SPNS3: variants seen among roughly 807,000 people sequenced by gnomAD.
SPNS3 encodes the protein SPNS lysolipid transporter 3, sphingosine-1-phosphate (putative).
A neutral mutation model predicts 54.4 loss-of-function variants in SPNS3; 51 were observed. The ratio of observed to expected loss-of-function variants is 0.94; its 90% CI spans 0.75 to 1.18. The LOEUF is 1.18. Ranked by LOEUF, SPNS3 falls within the 50% of genes most tolerant of loss-of-function variation. The pLI is 0.00. For synonymous variants in SPNS3, 309 were observed against 294.7 expected, an observed-to-expected ratio of 1.05 and a Z score of -0.50; for missense variants, 669 against 677.4, an observed-to-expected ratio of 0.99 and a Z score of 0.14.
At position 4,455,071 on chromosome 17, in the gene SPNS3, G is replaced by A. The variant is rs192775469; in HGVS notation, c.1113+1866G>A. On this transcript the variant is annotated intron_variant, in intron 8 of 11. Transcript: ENST00000355530. ...TGGGATTACATGTGTGAGCCACCAC[G>A]CCCAGCTAATTTTTGTATTTTTAAT... Among the ~76,000 whole-genome samples, 4 of 152,016 alleles carry A rather than the reference G, an allele frequency of 2.6e-5. No individual in the cohort carries two copies. In the East Asian group the frequency reaches 5.8e-4, roughly 22 times the overall value.
At chr17:4,435,246 A>G (rs1167355116) in intron 1 of SPNS3, among the ~76,000 whole-genome samples, 2 of 151,340 alleles carry the variant, frequency 1.3e-5, no homozygotes, top group Non-Finnish European at 2.9e-5. Context: ...AACATGGTGA[A>G]ACCCCGTCTC....
At chr17:4,456,737 C>T (rs1442847368) in intron 8 of SPNS3, among the ~76,000 whole-genome samples, 1 of 151,186 alleles carries the variant, frequency 6.6e-6, no homozygotes, top group Non-Finnish European at 1.5e-5. Flanking sequence ...TTTTTTGAGA[C>T]AGGGTCTCAC....
Position 4,454,989 on chromosome 17 carries a change from C to T in SPNS3, c.1113+1784C>T, listed in dbSNP as rs1293403447. Among the ~76,000 whole-genome samples, 6 of 150,804 alleles carry T rather than the reference C, an allele frequency of 4.0e-5. No homozygotes were observed. In the South Asian group the frequency reaches 6.3e-4, roughly 16 times the overall value. On this transcript the variant is annotated intron_variant, in intron 8 of 11. Coordinates refer to ENST00000355530, the MANE Select transcript of SPNS3 (RefSeq NM_182538.5). ...AGTGCGGTGGCGCGATCTCAGCTCA[C>T]GGTAACCTCCGCCTCCTGGGTTCAA...
chr17:4,439,121 T>A (rs1021043365), intron 1 of SPNS3, among the ~76,000 whole-genome samples: 1 of 151,116 alleles, frequency 6.6e-6, no homozygotes, highest in Admixed American at 6.6e-5. Context: ...TCTTTCTTTC[T>A]TTTTCTTTCT....
In SPNS3 at chr17:4,447,008, G is replaced by A. The variant is rs762395854; in HGVS notation, c.621+46G>A. 5 of 1,605,596 alleles carry A rather than the reference G, an allele frequency of 3.1e-6. No individual in the cohort carries two copies. The South Asian group carries it at 3.3e-5, about 11-fold the overall frequency. ...TTCCCTCTGCTTTCCCTCTGGACCGGCAGGGACTTTCCAGCCTTGGGTGAC... is the reference window on the plus strand; with the variant it reads ...TTCCCTCTGCTTTCCCTCTGGACCGACAGGGACTTTCCAGCCTTGGGTGAC... On this transcript the variant is annotated intron_variant, in intron 5 of 11. Transcript: ENST00000355530.
intron 8 of SPNS3, among the ~76,000 whole-genome samples, chr17:4,468,504 G>A (rs1971745615): frequency 6.6e-6 from 1 of 152,036 alleles, no homozygotes; most frequent in Non-Finnish European, 1.5e-5. Flanking sequence ...AAGGAGTCCA[G>A]GGCGGCTCCA....
intron 7 of SPNS3, 139 bp downstream of exon 7, chr17:4,449,526 C>T (rs923574659): frequency 2.8e-6 from 3 of 1,084,884 alleles, no homozygotes; most frequent in Non-Finnish European, 3.8e-6. Flanking sequence ...AGCTCAGGAC[C>T]CAGATGGCAG....
At chr17:4,452,907 C>T in intron 7 of SPNS3, 109 bp from the exon 8 acceptor site, 1 of 1,054,298 alleles carries the variant, frequency 9.5e-7, no homozygotes, top group African/African-American at 1.6e-5. Context: ...CTGTAGACAC[C>T]AGATCATGCA....
chr17:4,438,084 T>G (rs1970759578), intron 1 of SPNS3, among the ~76,000 whole-genome samples: 2 of 152,194 alleles, frequency 1.3e-5, no homozygotes, highest in Non-Finnish European at 2.9e-5. Flanking sequence ...ACCACGTCCC[T>G]CCCTGAGCAA....
At chr17:4,475,177 C>G (rs1971956635) in intron 8 of SPNS3, among the ~76,000 whole-genome samples, 1 of 152,136 alleles carries the variant, frequency 6.6e-6, no homozygotes, top group Non-Finnish European at 1.5e-5. Flanking sequence ...ATGGCAGAGG[C>G]CAGGGGCTGA....
At chr17:4,479,760 C>T (rs1972106691) in intron 9 of SPNS3, among the ~76,000 whole-genome samples, 1 of 152,236 alleles carries the variant, frequency 6.6e-6, no homozygotes, top group South Asian at 2.1e-4. Flanking sequence ...CAGCCCTGGT[C>T]CTGCCACTTA....
At chr17:4,459,441 G>T (rs1597323150) in intron 8 of SPNS3, among the ~76,000 whole-genome samples, 1 of 152,126 alleles carries the variant, frequency 6.6e-6, no homozygotes, top group African/African-American at 2.4e-5. Context: ...GCTGGGTGCG[G>T]TGCTTCATAC....
Position 4,434,181 on chromosome 17 carries a change from G to A in SPNS3, c.199+15G>A. ...CATCATTGCAGGTGAGGAGGGGATG[G>A]CTACCCTGGGCAGTACCTGCTGCTG... On this transcript the variant is annotated intron_variant, in intron 1 of 11. Coordinates refer to ENST00000355530, the MANE Select transcript of SPNS3 (RefSeq NM_182538.5). 1.3e-6 allele frequency: 2 copies of A among 1,598,272 alleles called. No individual in the cohort carries two copies. Among genetic ancestry groups the A allele is most frequent in the Non-Finnish European group, 1.7e-6 (2 of 1,171,138 alleles).
At chr17:4,477,219 A>C (rs1292261261) in intron 8 of SPNS3, among the ~76,000 whole-genome samples, 1 of 151,940 alleles carries the variant, frequency 6.6e-6, no homozygotes, top group African/African-American at 2.4e-5. Flanking sequence ...CTCTGGCCTG[A>C]GTTTGTCTGT....
chr17:4,453,298 A>G (rs532767649), intron 8 of SPNS3, 93 bp downstream of exon 8: 1 of 1,200,410 alleles, frequency 8.3e-7, no homozygotes, highest in African/African-American at 1.5e-5. Flanking sequence ...CTTTATGTAC[A>G]ATTATGTTGA....
intron 8 of SPNS3, among the ~76,000 whole-genome samples, chr17:4,473,093 G>A (rs181380820): frequency 1.5e-4 from 22 of 151,572 alleles, no homozygotes; most frequent in Non-Finnish European, 1.8e-4. Context: ...CTGGCTGCCA[G>A]TATTGAATGT....
chr17:4,480,663 G>A (rs1405000146), intron 9 of SPNS3, among the ~76,000 whole-genome samples: 1 of 152,018 alleles, frequency 6.6e-6, no homozygotes, highest in Non-Finnish European at 1.5e-5. Context: ...GTGTGCTGGA[G>A]AGGGCGGGTG....
intron 8 of SPNS3, among the ~76,000 whole-genome samples, chr17:4,476,620 C>T (rs978680174): frequency 3.3e-5 from 5 of 152,114 alleles, no homozygotes; most frequent in Non-Finnish European, 7.4e-5. Context: ...GCTGGCAGAC[C>T]CTGCTAGGCT....
chr17:4,464,700 G>T (rs1971630589), intron 8 of SPNS3, among the ~76,000 whole-genome samples: 1 of 151,958 alleles, frequency 6.6e-6, no homozygotes, highest in South Asian at 2.1e-4. Flanking sequence ...TATTTTTTGA[G>T]ACAGAGTTTT....
Sources: allele counts gnomAD v4.1 joint callset (sites outside exome capture counted in the v4.1 genomes callset), GRCh38; gene constraint gnomAD v4.1.1; transcripts MANE v1.5; gene names NCBI Gene and HGNC (gene_info 2026-07-23, HGNC 2026-07-21).